PACRG: variants seen among roughly 807,000 people sequenced by gnomAD.
PACRG encodes parkin coregulated.
Under a neutral mutation model 29.7 loss-of-function variants are expected in PACRG, and 29 were observed. The ratio of observed to expected loss-of-function variants is 0.98; its 90% CI spans 0.73 to 1.33. The LOEUF is 1.33. PACRG is among the 40% of genes most tolerant of loss of function. The probability of loss-of-function intolerance (pLI) is 0.00; values close to 1 mark genes in which losing one functional copy is unlikely to be tolerated. For synonymous variants in PACRG, 116 were observed against 118.7 expected (o/e 0.98, Z 0.15); for missense variants, 279 against 316.2 (o/e 0.88, Z 0.89).
chr6:162,832,705 T>C (rs1788887363), intron 2 of PACRG, among the ~76,000 whole-genome samples: 1 of 152,116 alleles, frequency 6.6e-6, no homozygotes, highest in African/African-American at 2.4e-5. Flanking sequence ...TTTCCCATAA[T>C]GGGAGGAAGT....
intron 1 of PACRG, among the ~76,000 whole-genome samples, chr6:162,755,504 C>T (rs34804175): frequency 0.084 from 12,783 of 152,014 alleles, 703 homozygotes; most frequent in South Asian, 0.22. Context: ...GGTGCAATCT[C>T]GGCTCACTGC....
chr6:162,807,169 G>T (rs1219330920), intron 1 of PACRG, among the ~76,000 whole-genome samples: 1 of 152,222 alleles, frequency 6.6e-6, no homozygotes, highest in Non-Finnish European at 1.5e-5. Flanking sequence ...TTTGGCTTGA[G>T]AGAATGTTGT....
intron 4 of PACRG, among the ~76,000 whole-genome samples, chr6:163,265,248 G>A (rs1037772682): frequency 2.6e-5 from 4 of 152,278 alleles, no homozygotes; most frequent in Admixed American, 6.5e-5. Context: ...CCTCTCAGTC[G>A]GTCCTGGTGT....
intron 1 of PACRG, among the ~76,000 whole-genome samples, chr6:162,747,685 G>A (rs1197611378): frequency 2.0e-5 from 3 of 151,294 alleles, no homozygotes; most frequent in African/African-American, 7.3e-5. Context: ...GATTGAGCGA[G>A]CCAGGATAGG....
chr6:163,201,427 C>T (rs980410174), intron 4 of PACRG, among the ~76,000 whole-genome samples: 3 of 152,190 alleles, frequency 2.0e-5, no homozygotes, highest in South Asian at 4.1e-4. Context: ...TTCGGGTGTT[C>T]CCTGAGCTAC....
At chr6:163,141,607 GA>G (rs796258198) in intron 4 of PACRG, among the ~76,000 whole-genome samples, 19 of 148,506 alleles carry the variant, frequency 1.3e-4, no homozygotes, top group Non-Finnish European at 2.5e-4. Flanking sequence ...AAGATTTAAA[GA>G]AAAAAAATGA....
chr6:162,736,446 G>A (rs1162484534), intron 1 of PACRG, among the ~76,000 whole-genome samples: 1 of 152,158 alleles, frequency 6.6e-6, no homozygotes, highest in Non-Finnish European at 1.5e-5. Context: ...CAAGATAGCT[G>A]CGTTTTTGTA....
chr6:162,938,671 T>A (rs1798404634), intron 2 of PACRG, among the ~76,000 whole-genome samples: 1 of 152,228 alleles, frequency 6.6e-6, no homozygotes, highest in Non-Finnish European at 1.5e-5. Context: ...TATTATTTTT[T>A]AATTTTTTTG....
intron 4 of PACRG, among the ~76,000 whole-genome samples, chr6:163,211,071 T>G (rs1416307307): frequency 1.3e-5 from 2 of 152,226 alleles, no homozygotes; most frequent in Admixed American, 6.5e-5. Context: ...CATGATAGAT[T>G]CTATCACAGA....
At chr6:162,888,645 C>T (rs747349201) in intron 2 of PACRG, among the ~76,000 whole-genome samples, 6 of 152,096 alleles carry the variant, frequency 3.9e-5, no homozygotes, top group African/African-American at 9.7e-5. Context: ...AGAGAAAAGG[C>T]GATCAGAGCA....
At chr6:163,285,988 T>C (rs535392095) in intron 4 of PACRG, among the ~76,000 whole-genome samples, 4 of 152,238 alleles carry the variant, frequency 2.6e-5, no homozygotes, top group African/African-American at 9.6e-5. Flanking sequence ...TATTGCATGG[T>C]TCTGTCGTGT....
intron 1 of PACRG, among the ~76,000 whole-genome samples, chr6:162,741,139 C>T (rs1249546798): frequency 6.6e-6 from 1 of 152,126 alleles, no homozygotes; most frequent in Admixed American, 6.5e-5. Flanking sequence ...ATTGGTGTCT[C>T]TGATTTACCA....
At chr6:162,960,888 T>G (rs1012230804) in intron 2 of PACRG, among the ~76,000 whole-genome samples, 1 of 152,252 alleles carries the variant, frequency 6.6e-6, no homozygotes, top group Non-Finnish European at 1.5e-5. Flanking sequence ...CTCAGCTAGT[T>G]TAACAGCACC....
At chr6:162,972,155 T>TC (rs2128160449) in intron 2 of PACRG, among the ~76,000 whole-genome samples, 1 of 152,320 alleles carries the variant, frequency 6.6e-6, no homozygotes, top group East Asian at 1.9e-4. Context: ...TCTCAAATCT[T>TC]CAAGACCTGG....
At chr6:162,883,441 G>T (rs1383635956) in intron 2 of PACRG, among the ~76,000 whole-genome samples, 2 of 152,146 alleles carry the variant, frequency 1.3e-5, no homozygotes, top group Admixed American at 1.3e-4. Context: ...TCCAATAAAT[G>T]TAAGTTCCCC....
At chr6:163,013,919 T>C (rs1467608836) in intron 2 of PACRG, among the ~76,000 whole-genome samples, 1 of 151,916 alleles carries the variant, frequency 6.6e-6, no homozygotes, top group Admixed American at 6.6e-5. Context: ...GAAAATAACA[T>C]GATAGAAGCA....
At chr6:163,233,845 G>A (rs757554553) in intron 4 of PACRG, among the ~76,000 whole-genome samples, 27 of 152,216 alleles carry the variant, frequency 1.8e-4, no homozygotes, top group Non-Finnish European at 3.4e-4. Flanking sequence ...TGAGGAGCAC[G>A]TTTGTAGGGA....
At chr6:163,198,739 A>G (rs78016076) in intron 4 of PACRG, among the ~76,000 whole-genome samples, 1 of 152,192 alleles carries the variant, frequency 6.6e-6, no homozygotes, top group Admixed American at 6.5e-5. Context: ...GTTAATTTAG[A>G]AAGTTTCTTT....
At chr6:163,205,905 A>G (rs1435442070) in intron 4 of PACRG, among the ~76,000 whole-genome samples, 1 of 152,216 alleles carries the variant, frequency 6.6e-6, no homozygotes, top group Non-Finnish European at 1.5e-5. Context: ...GGCAAATGAC[A>G]TGAACAGACA....
Sources: gnomAD v4.1 joint callset for allele counts (sites outside exome capture counted in the v4.1 genomes callset) on GRCh38, gnomAD v4.1.1 for gene constraint, MANE v1.5 for transcripts, NCBI Gene and HGNC (gene_info 2026-07-23, HGNC 2026-07-21) for gene names.